PLCL1: variants seen among roughly 807,000 people sequenced by gnomAD.
PLCL1 encodes inactive phospholipase C-like protein 1.
PLCL1 carries 41 observed loss-of-function variants against 84.4 expected under a neutral mutation model. That is an observed-to-expected ratio of 0.49 (90% CI 0.38 to 0.63). The LOEUF (loss-of-function observed/expected upper bound fraction) is 0.63, where lower values mean the gene tolerates loss of function less well. Ranked by LOEUF, PLCL1 falls within the 30% of genes least tolerant of loss-of-function variation. The pLI, the probability that PLCL1 is intolerant of heterozygous loss-of-function variation, is 0.00. For missense variants in PLCL1, 1,206 were observed against 1,367.8 expected, an observed-to-expected ratio of 0.88 and a Z score of 1.87; for synonymous variants, 490 against 488.3, an observed-to-expected ratio of 1.00 and a Z score of -0.05.
intron 3 of PLCL1, among the ~76,000 whole-genome samples, chr2:198,096,839 T>C (rs1308037177): frequency 6.6e-6 from 1 of 152,152 alleles, no homozygotes; most frequent in African/African-American, 2.4e-5. Context: ...ACGCTTGCAA[T>C]GGAATGAATA....
At chr2:197,886,704 C>G (rs895331657) in intron 1 of PLCL1, among the ~76,000 whole-genome samples, 1 of 152,078 alleles carries the variant, frequency 6.6e-6, no homozygotes, top group Non-Finnish European at 1.5e-5. Context: ...ACACTAAGGG[C>G]TATTTGATGA....
At chr2:197,871,157 C>T (rs1574923338) in intron 1 of PLCL1, among the ~76,000 whole-genome samples, 1 of 152,060 alleles carries the variant, frequency 6.6e-6, no homozygotes, top group African/African-American at 2.4e-5. Context: ...GATTAGACTC[C>T]TGAATTTAGA....
At chr2:198,093,251 A>G (rs1338688821) in intron 3 of PLCL1, among the ~76,000 whole-genome samples, 6 of 152,214 alleles carry the variant, frequency 3.9e-5, no homozygotes, top group African/African-American at 1.4e-4. Context: ...AACCTATAGA[A>G]TGTACAACAC....
At chr2:198,010,826 A>G (rs978354985) in intron 1 of PLCL1, among the ~76,000 whole-genome samples, 5 of 151,516 alleles carry the variant, frequency 3.3e-5, no homozygotes, top group Admixed American at 2.0e-4. Context: ...TACTGCTTCA[A>G]TCTCCTCACT....
intron 1 of PLCL1, among the ~76,000 whole-genome samples, chr2:197,846,837 G>T (rs1181749554): frequency 6.6e-6 from 1 of 152,158 alleles, no homozygotes; most frequent in Non-Finnish European, 1.5e-5. Context: ...GACATATATG[G>T]ATGATAGATC....
intron 1 of PLCL1, among the ~76,000 whole-genome samples, chr2:198,009,075 A>AT (rs1690803690): frequency 6.6e-6 from 1 of 151,950 alleles, no homozygotes; most frequent in Non-Finnish European, 1.5e-5. Context: ...AGTTTCTTAT[A>AT]TATTTTGGAT....
intron 1 of PLCL1, among the ~76,000 whole-genome samples, chr2:197,980,689 G>A (rs1434511088): frequency 2.6e-5 from 4 of 152,182 alleles, no homozygotes; most frequent in African/African-American, 9.7e-5. Context: ...GAAAATGATA[G>A]TGGGGGAACA....
At chr2:198,134,166 A>G (rs576013784) in intron 5 of PLCL1, among the ~76,000 whole-genome samples, 1 of 152,302 alleles carries the variant, frequency 6.6e-6, no homozygotes, top group South Asian at 2.1e-4. Context: ...AAGTGTAACT[A>G]GTAGTCTGTT....
At chr2:198,032,865 C>T (rs1691459977) in intron 1 of PLCL1, among the ~76,000 whole-genome samples, 1 of 152,098 alleles carries the variant, frequency 6.6e-6, no homozygotes, top group Non-Finnish European at 1.5e-5. Context: ...TTATTCCACC[C>T]CTCCCTCTGA....
At position 198,088,953 on chromosome 2, in the gene PLCL1, T is replaced by C. The variant is rs750841058; in HGVS notation, c.2811T>C (p.Ser937=). The part of the protein sequence containing the change: ...LLTLSSRLIT[S]DNTPSVSLVM... ...CTCTGTCATCTCGGCTCATCACCAG[T>C]GACAATACTCCTTCAGTCTCACTTG... Residue 937 remains serine, a synonymous_variant, in exon 3 of 6, where the codon AGT becomes AGC. Transcript: ENST00000428675. 1.4e-5 allele frequency: 22 copies of C among 1,613,014 alleles called. No individual in the cohort carries two copies. The highest frequency in any genetic ancestry group is 1.2e-5 in the Non-Finnish European group (14 of 1,179,122).
intron 1 of PLCL1, among the ~76,000 whole-genome samples, chr2:197,918,639 T>C (rs1166405685): frequency 6.6e-6 from 1 of 152,118 alleles, no homozygotes; most frequent in Admixed American, 6.5e-5. Context: ...AGGGTAAAGT[T>C]GGCCAGGCAC....
At chr2:198,038,822 T>A (rs1487523961) in intron 1 of PLCL1, among the ~76,000 whole-genome samples, 2 of 145,842 alleles carry the variant, frequency 1.4e-5, no homozygotes, top group Non-Finnish European at 3.0e-5. Flanking sequence ...GAAAATACTG[T>A]CTTGATCCTT....
At chr2:197,932,878 A>G (rs1688969435) in intron 1 of PLCL1, among the ~76,000 whole-genome samples, 1 of 152,184 alleles carries the variant, frequency 6.6e-6, no homozygotes, top group Non-Finnish European at 1.5e-5. Flanking sequence ...TAAAAGGAAA[A>G]AGAGATCACC....
chr2:197,919,929 A>G (rs1688672678), intron 1 of PLCL1, among the ~76,000 whole-genome samples: 1 of 152,146 alleles, frequency 6.6e-6, no homozygotes, highest in South Asian at 2.1e-4. Context: ...GCTACACACC[A>G]TTTACTAGTT....
At position 198,084,083 on chromosome 2, in the gene PLCL1, C is replaced by T. The variant is rs762524303; in HGVS notation, c.566C>T (p.Ala189Val). 5 of 1,614,092 alleles carry T rather than the reference C, an allele frequency of 3.1e-6. No individual in the cohort carries two copies. The highest frequency in any genetic ancestry group is 4.2e-6 in the Non-Finnish European group (5 of 1,179,950). Residue 189 changes from alanine (A) to valine (V), a missense_variant, in exon 2 of 6, where the codon GCC (alanine) becomes GTC (valine). By Grantham distance (64) the Ala-to-Val change is moderately conservative. Coordinates refer to ENST00000428675, the MANE Select transcript of PLCL1 (RefSeq NM_006226.4). ...GLADQICEDC[A>V]FSILHGENYE... The stretch of plus-strand genomic sequence containing the variant: ...GCTGACCAGATCTGTGAGGACTGTG[C>T]CTTTTCCATACTCCACGGGGAAAAC...
At chr2:198,024,794 C>A (rs556113155) in intron 1 of PLCL1, among the ~76,000 whole-genome samples, 126 of 151,728 alleles carry the variant, frequency 8.3e-4, no homozygotes, top group African/African-American at 2.9e-3. Flanking sequence ...ACGAGTGGTA[C>A]CTTTTTTTGC....
chr2:198,132,814 C>CAGA (rs779836602), intron 5 of PLCL1, among the ~76,000 whole-genome samples: 2 of 151,938 alleles, frequency 1.3e-5, no homozygotes, highest in East Asian at 1.9e-4. Flanking sequence ...TTTTGCTGTG[C>CAGA]AGAAGCTCTT....
intron 1 of PLCL1, among the ~76,000 whole-genome samples, chr2:198,059,392 GT>G (rs1464163687): frequency 6.6e-6 from 1 of 152,084 alleles, no homozygotes; most frequent in Non-Finnish European, 1.5e-5. Flanking sequence ...CATCTGTTTG[GT>G]TTCTGTATAG....
At chr2:198,007,931 T>G (rs1178889300) in intron 1 of PLCL1, among the ~76,000 whole-genome samples, 2 of 152,142 alleles carry the variant, frequency 1.3e-5, no homozygotes, top group African/African-American at 2.4e-5. Context: ...ATACATTCAT[T>G]GAAAGCGAGT....
Sources: allele counts gnomAD v4.1 joint callset (sites outside exome capture counted in the v4.1 genomes callset), GRCh38; gene constraint gnomAD v4.1.1; transcripts MANE v1.5; gene names NCBI Gene and HGNC (gene_info 2026-07-23, HGNC 2026-07-21).